The following LMNA variants were observed in gnomAD, a reference collection of about 807,000 sequenced individuals.
LMNA encodes the protein lamin A/C.
In LMNA, 20 loss-of-function variants were observed where a neutral mutation model predicts 70.4. The observed-to-expected ratio is 0.28, with a 90% CI of 0.20 to 0.41. The LOEUF is 0.41. LMNA is among the 10% of genes least tolerant of loss of function. LMNA has a pLI of 1.00. For synonymous variants in LMNA, 339 were observed against 372.8 expected, an observed-to-expected ratio of 0.91 and a Z score of 1.04; for missense variants, 652 against 917.2, an observed-to-expected ratio of 0.71 and a Z score of 3.73.
In LMNA at chr1:156,139,734, G is replaced by A. The variant is rs750298346; in HGVS notation, c.*628G>A. On this transcript the variant is annotated 3_prime_UTR_variant, in exon 12 of 12. Transcript: ENST00000368300. ...CCCCGGGGTGAGTCCATTCTCCCAG[G>A]TACCAGCTGCGCTTGCTTTTCTGTA... 1.0e-5 allele frequency: 16 copies of A among 1,532,964 alleles called. No individual in the cohort carries two copies. In the South Asian group the frequency reaches 1.8e-4, roughly 17 times the overall value. 95.0% of individuals were successfully genotyped at this position (1,532,964 alleles called of 1,614,324 possible).
chr1:156,120,390 C>T (rs1389511408), intron 1 of LMNA, among the ~76,000 whole-genome samples: 3 of 152,216 alleles, frequency 2.0e-5, no homozygotes, highest in Admixed American at 2.0e-4. Flanking sequence ...GTAGCTGAGG[C>T]TCACTTCTGC....
chr1:156,084,946 G>A (rs1426737454), intron 2 of LMNA, among the ~76,000 whole-genome samples: 1 of 152,232 alleles, frequency 6.6e-6, no homozygotes, highest in Non-Finnish European at 1.5e-5. Context: ...TCAGTGGGGA[G>A]GGTCCAGCTG....
chr1:156,098,151 G>A (rs1374144652), intron 3 of LMNA, among the ~76,000 whole-genome samples: 7 of 152,242 alleles, frequency 4.6e-5, no homozygotes, highest in Admixed American at 4.6e-4. Context: ...TAGCATGCAA[G>A]AGCATAGTTC....
At chr1:156,139,022 G>A in intron 11 of LMNA, 58 bp from the exon 12 acceptor site, 23 of 1,577,770 alleles carry the variant, frequency 1.5e-5, no homozygotes, top group Non-Finnish European at 2.0e-5. Context: ...GCCAGGGGAG[G>A]GAGGGTCTGG....
At chr1:156,086,418 C>CTCTCTCTT (rs941540447) in intron 2 of LMNA, among the ~76,000 whole-genome samples, 1 of 152,120 alleles carries the variant, frequency 6.6e-6, no homozygotes, top group African/African-American at 2.4e-5. Context: ...CTCTCTCTCT[C>CTCTCTCTT]TCTCTCTTTT....
chr1:156,101,298 T>A (rs1649130809), intron 3 of LMNA, among the ~76,000 whole-genome samples: 1 of 152,080 alleles, frequency 6.6e-6, no homozygotes, highest in Non-Finnish European at 1.5e-5. Context: ...GAGAATAGCC[T>A]GGGCAACAAA....
chr1:156,096,757 A>G (rs1018778756), intron 3 of LMNA, among the ~76,000 whole-genome samples: 1 of 152,256 alleles, frequency 6.6e-6, no homozygotes, highest in Non-Finnish European at 1.5e-5. Context: ...ACAGGGAAGG[A>G]GAAGGTGGGG....
chr1:156,097,410 G>T (rs893092096), intron 3 of LMNA, among the ~76,000 whole-genome samples: 3 of 152,256 alleles, frequency 2.0e-5, no homozygotes, highest in South Asian at 2.1e-4. Flanking sequence ...GAAACTGAGG[G>T]ATGGCAGAAC....
chr1:156,127,640 TCCTCAGTAGCTGGGA>T (rs1487129756), intron 1 of LMNA, among the ~76,000 whole-genome samples: 1 of 145,648 alleles, frequency 6.9e-6, no homozygotes, highest in East Asian at 2.1e-4. Context: ...TACCTCAGCC[TCCTCAGTAGCTGGGA>T]CTACAGGTGC....
rs1651438312 is a variant in LMNA at position 156,135,129 on chromosome 1, G to T, written c.811-58G>T. On this transcript the variant is annotated intron_variant, in intron 4 of 11. Transcript: ENST00000368300. The surrounding 1 kb of genome is among the most constrained non-coding windows in gnomAD (Gnocchi z 4.8). ...GCTGTAGCAGTGATGCCCAACTCAG[G>T]CCTGTGCCTCCACCCCTCCCAGTCA... 3 of 1,613,206 alleles carry T rather than the reference G, an allele frequency of 1.9e-6. No homozygotes were observed. Among genetic ancestry groups the T allele is most frequent in the Non-Finnish European group, 2.5e-6 (3 of 1,179,688 alleles).
At position 156,135,514 on chromosome 1, in the gene LMNA, C is replaced by T; in HGVS notation, c.936+202C>T. 1.5e-6 allele frequency: 1 copy of T among 679,574 alleles called. No homozygotes were observed. Among genetic ancestry groups the T allele is most frequent in the South Asian group, 1.8e-5 (1 of 56,626 alleles). The allele number at this position is 679,574 out of a possible 1,614,324, so 42.1% of individuals were successfully genotyped here. On this transcript the variant is annotated intron_variant, in intron 5 of 11. Coordinates refer to ENST00000368300, the MANE Select transcript of LMNA (RefSeq NM_170707.4). This position sits in a 1 kb window ranked among gnomAD's most constrained non-coding sequence, Gnocchi z 4.8. ...GCTGTTTCTGTACACTCTTACCTCACCTTCACTTCTCAGGGCTTTGGTTTT... is the reference window on the plus strand; with the variant it reads ...GCTGTTTCTGTACACTCTTACCTCATCTTCACTTCTCAGGGCTTTGGTTTT...
At chr1:156,110,427 G>C (rs1377898390), upstream of LMNA, among the ~76,000 whole-genome samples, 3 of 152,206 alleles carry the variant, frequency 2.0e-5, no homozygotes, top group Non-Finnish European at 4.4e-5. Context: ...TCCTTCAAAT[G>C]TATGTAACCT....
intron 3 of LMNA, among the ~76,000 whole-genome samples, chr1:156,094,909 G>A (rs1199018086): frequency 1.3e-5 from 2 of 150,698 alleles, no homozygotes; most frequent in East Asian, 3.9e-4. Context: ...ACAGGCGTTT[G>A]TCACCACAAC....
At chr1:156,100,873 T>C (rs1347788294) in intron 3 of LMNA, among the ~76,000 whole-genome samples, 1 of 152,122 alleles carries the variant, frequency 6.6e-6, no homozygotes, top group Non-Finnish European at 1.5e-5. Context: ...ACACAGACAA[T>C]GTCACAGACA....
chr1:156,088,866 A>G (rs890648830), intron 2 of LMNA, among the ~76,000 whole-genome samples: 2 of 151,960 alleles, frequency 1.3e-5, no homozygotes, highest in African/African-American at 4.8e-5. Context: ...GTTAGCCAGG[A>G]TGGTCTCAAT....
intron 2 of LMNA, chr1:156,090,413 G>A (rs957476705): frequency 6.6e-6 from 1 of 152,202 alleles, no homozygotes; most frequent in African/African-American, 2.4e-5. Context: ...GGGGTGGGAA[G>A]GGACTTGACG....
At chr1:156,114,691 T>G (rs922526558), upstream of LMNA, 5 of 551,242 alleles carry the variant, frequency 9.1e-6, no homozygotes, top group African/African-American at 4.0e-5. Context: ...TTAGAGCCTT[T>G]GCCCCGGCGT....
Position 156,135,510 on chromosome 1 carries a change from C to A in LMNA, c.936+198C>A. 1.5e-6 allele frequency: 1 copy of A among 683,938 alleles called. No homozygotes were observed. Among genetic ancestry groups the A allele is most frequent in the Non-Finnish European group, 2.5e-6 (1 of 399,252 alleles). The allele number at this position is 683,938 out of a possible 1,614,324, so 42.4% of individuals were successfully genotyped here. A position where few individuals can be genotyped will look rare whatever the true frequency, so the allele number is the denominator to read the frequency against. On this transcript the variant is annotated intron_variant, in intron 5 of 11. Coordinates refer to ENST00000368300, the MANE Select transcript of LMNA (RefSeq NM_170707.4). This position sits in a 1 kb window ranked among gnomAD's most constrained non-coding sequence, Gnocchi z 4.8. ...GTGTGCTGTTTCTGTACACTCTTAC[C>A]TCACCTTCACTTCTCAGGGCTTTGG...
intron 3 of LMNA, among the ~76,000 whole-genome samples, chr1:156,099,732 A>C (rs189575540): frequency 6.6e-6 from 1 of 151,998 alleles, no homozygotes; most frequent in African/African-American, 2.4e-5. Context: ...CTAAAAATAC[A>C]AAAATTAGCT....
Sources: allele counts gnomAD v4.1 joint callset (sites outside exome capture counted in the v4.1 genomes callset), GRCh38; gene constraint gnomAD v4.1.1; non-coding constraint Gnocchi (gnomAD v3.1); transcripts MANE v1.5; gene names NCBI Gene and HGNC (gene_info 2026-07-23, HGNC 2026-07-21).